Variants in CIC observed in about 807,000 individuals in gnomAD.
CIC encodes capicua transcriptional repressor, also known as protein capicua homolog.
A neutral mutation model predicts 115.7 loss-of-function variants in CIC; 18 were observed. The ratio of observed to expected loss-of-function variants is 0.16; its 90% CI spans 0.11 to 0.23. The LOEUF (loss-of-function observed/expected upper bound fraction) is 0.23, where lower values mean the gene tolerates loss of function less well. Ranked by LOEUF, CIC falls within the 10% of genes least tolerant of loss-of-function variation. The pLI is 1.00. For missense variants in CIC, 2,000 were observed against 2,159.3 expected (o/e 0.93, Z 1.46); for synonymous variants, 1,076 against 923.0 (o/e 1.17, Z -3.01).
chr19:42,282,375 T>A (rs1459493463), intron 2 of CIC, among the ~76,000 whole-genome samples: 1 of 152,194 alleles, frequency 6.6e-6, no homozygotes, highest in Non-Finnish European at 1.5e-5. Context: ...AAGAGCCCAG[T>A]CTTGGTCCAT....
At chr19:42,284,675 G>T (rs1265626147) in intron 2 of CIC, 2 of 1,525,578 alleles carry the variant, frequency 1.3e-6, no homozygotes, top group Non-Finnish European at 1.8e-6. Flanking sequence ...GGAGGTGCGA[G>T]CCCCTGCCGG....
In CIC at chr19:42,292,479, C is replaced by T. The variant is rs1353213468; in HGVS notation, c.5902+13C>T. 6.2e-7 allele frequency: 1 copy of T among 1,611,466 alleles called. No individual in the cohort carries two copies. Among genetic ancestry groups the T allele is most frequent in the Non-Finnish European group, 8.5e-7 (1 of 1,179,184 alleles). ...CCCCTGCTCTCAGGTGAGGGGCGGCCTGGCAGGCAGTGCTGGGGACCCAGG... is the reference window on the plus strand; with the variant it reads ...CCCCTGCTCTCAGGTGAGGGGCGGCTTGGCAGGCAGTGCTGGGGACCCAGG... On this transcript the variant is annotated intron_variant, in intron 14 of 20. Coordinates refer to ENST00000681038, the MANE Select transcript of CIC (RefSeq NM_001386298.1).
chr19:42,289,238 C>G lies in CIC; in HGVS notation c.3919C>G (p.Pro1307Ala). ...AAAGCCTTCTACCCAGTATGGAGCT[C>G]CAGGACCCTTTGCAGCCCCTGGTGA... ...GPKPSTQYGAPGPFAAPGEGG... is the reference protein window; with the variant it reads ...GPKPSTQYGAAGPFAAPGEGG... The change falls in exon 9 of 21, where the codon CCA (proline) becomes GCA (alanine). Residue 1307 changes from proline to alanine, a missense_variant. By Grantham distance (27) the Pro-to-Ala change is conservative. This residue lies in a region of CIC where 1,466 missense variants were observed against 1,390.4 expected (regional missense o/e 1.05). Transcript: ENST00000681038. 1 of 1,613,606 alleles carries G rather than the reference C, an allele frequency of 6.2e-7. No homozygotes were observed. The highest frequency in any genetic ancestry group is 8.5e-7 in the Non-Finnish European group (1 of 1,180,020).
At position 42,286,894 on chromosome 19, in the gene CIC, A is replaced by T; in HGVS notation, c.2918A>T (p.His973Leu). The T allele has an allele frequency of 6.2e-7, 1 of 1,611,912 alleles. No homozygotes were observed. Among genetic ancestry groups the T allele is most frequent in the Non-Finnish European group, 8.5e-7 (1 of 1,179,642 alleles). ...AGCGAGGCCCAGCAACCTGCCAGCC[A>T]CCCAGTGGCCTCCAACCAGAGCAAA... is the stretch of plus-strand genomic sequence containing the variant. ...QPSEAQQPAS[H>L]PVASNQSKEP... is the part of the protein sequence containing the mutation. Residue 973 changes from histidine (H) to leucine (L), a missense_variant, in exon 3 of 21, where the codon CAC becomes CTC. Transcript: ENST00000681038.
Position 42,291,735 on chromosome 19 carries a change from C to A in CIC, c.5603C>A (p.Pro1868His), listed in dbSNP as rs1371623164. 6.2e-7 allele frequency: 1 copy of A among 1,612,918 alleles called. No homozygotes were observed. Among genetic ancestry groups the A allele is most frequent in the Non-Finnish European group, 8.5e-7 (1 of 1,180,012 alleles). ...FSVPVQNGAQ[P>H]PSKIIQLTPV... ...GTACCTGTGCAGAATGGTGCCCAGC[C>A]CCCCAGCAAGGTGAGGGCCTGCCTT... The change falls in exon 12 of 21, where the codon CCC becomes CAC. Residue 1868 changes from proline to histidine, a missense_variant. Around this residue, in one of 8 missense-constraint regions of CIC, gnomAD observed 1,466 missense variants for 1,390.4 expected, o/e 1.05. Coordinates refer to ENST00000681038, the MANE Select transcript of CIC (RefSeq NM_001386298.1).
intron 7 of CIC, among the ~76,000 whole-genome samples, chr19:42,288,287 C>G (rs1200919949): frequency 6.6e-6 from 1 of 152,190 alleles, no homozygotes; most frequent in East Asian, 1.9e-4. Context: ...GAAGAAGAAA[C>G]TGAGGTTCAG....
chr19:42,293,918 C>A lies in CIC; in HGVS notation c.6768-17C>A. 6.2e-7 allele frequency: 1 copy of A among 1,612,670 alleles called. No homozygotes were observed. The highest frequency in any genetic ancestry group is 8.5e-7 in the Non-Finnish European group (1 of 1,179,946). Reference sequence around the variant, plus strand: ...CTGCAGGCTGAGGCGGGGGAGGTGACCCTGCCGGCCCTCCAGCAGGGTCCT... The same window carrying A: ...CTGCAGGCTGAGGCGGGGGAGGTGAACCTGCCGGCCCTCCAGCAGGGTCCT... On this transcript the variant is annotated splice_polypyrimidine_tract_variant and intron_variant, in intron 17 of 20. Transcript: ENST00000681038.
Position 42,271,795 on chromosome 19 carries a change from G to T in CIC, c.12G>T (p.Met4Ile), listed in dbSNP as rs1434431292. The T allele has an allele frequency of 1.5e-5, 6 of 398,676 alleles. No individual in the cohort carries two copies. Among genetic ancestry groups the T allele is most frequent in the Middle Eastern group, 6.2e-4 (1 of 1,612 alleles). 24.7% of individuals were successfully genotyped at this position (398,676 alleles called of 1,614,324 possible). A position where few individuals can be genotyped will look rare whatever the true frequency, so the allele number is the denominator to read the frequency against. MKP[M>I]KKACTGLSGP... ...GCAGGTGGACAAAAATGAAGCCAATGAAGAAGGCATGCACTGGCCTTTCAG... is the reference window on the plus strand; with the variant it reads ...GCAGGTGGACAAAAATGAAGCCAATTAAGAAGGCATGCACTGGCCTTTCAG... Residue 4 changes from methionine (M) to isoleucine (I), a missense_variant, in exon 2 of 21, where the codon ATG becomes ATT. Coordinates refer to ENST00000681038, the MANE Select transcript of CIC (RefSeq NM_001386298.1).
intron 2 of CIC, chr19:42,284,561 G>GGGC (rs2037470666): frequency 7.1e-6 from 2 of 283,594 alleles, no homozygotes; most frequent in Non-Finnish European, 1.3e-5. Context: ...GGCCGGAGGG[G>GGGC]GGCGGCGGGG....
rs1463352812 is a variant in CIC at position 42,290,669 on chromosome 19, C to T, written c.4628C>T (p.Pro1543Leu). 1.2e-6 allele frequency: 2 copies of T among 1,613,288 alleles called. No homozygotes were observed. Among genetic ancestry groups the T allele is most frequent in the Non-Finnish European group, 1.7e-6 (2 of 1,179,902 alleles). Residue 1543 changes from proline to leucine, a missense_variant, in exon 11 of 21, where the codon CCC (proline) becomes CTC (leucine). Physicochemically the swap from Pro to Leu is moderately conservative, Grantham distance 98 (BLOSUM62 -3). Around this residue, in one of 8 missense-constraint regions of CIC, gnomAD observed 1,466 missense variants for 1,390.4 expected, o/e 1.05. Transcript: ENST00000681038. ...GGNILQTLVL[P>L]PNKEEQEGGG... ...AACATCCTGCAGACACTGGTGCTGC[C>T]CCCAAACAAGGAGGAGCAAGAGGGC...
At chr19:42,278,531 C>T (rs1010386561) in intron 2 of CIC, among the ~76,000 whole-genome samples, 8 of 152,220 alleles carry the variant, frequency 5.3e-5, no homozygotes, top group African/African-American at 1.9e-4. Flanking sequence ...CTCTGGACTT[C>T]AGTCCTCGTC....
Position 42,289,425 on chromosome 19 carries a change from A to T in CIC, c.4087+19A>T. 1 of 1,558,334 alleles carries T rather than the reference A, an allele frequency of 6.4e-7. No homozygotes were observed. Among genetic ancestry groups the T allele is most frequent in the Non-Finnish European group, 8.7e-7 (1 of 1,150,604 alleles). On this transcript the variant is annotated intron_variant, in intron 9 of 20. Coordinates refer to ENST00000681038, the MANE Select transcript of CIC (RefSeq NM_001386298.1). ...GTCATTGGTGAGCATTGCAGGGCCC[A>T]GAATCTTGCCCAGGACCCAGCAGGC...
intron 2 of CIC, among the ~76,000 whole-genome samples, chr19:42,277,290 C>T (rs1185678986): frequency 3.3e-5 from 5 of 152,172 alleles, no homozygotes; most frequent in African/African-American, 1.2e-4. Flanking sequence ...AGTGCAGTAG[C>T]GCAATCTTGG....
chr19:42,270,528 G>T lies in CIC; in HGVS notation c.-11+1147G>T, dbSNP rs2036742064. Among the ~76,000 whole-genome samples the T allele has an allele frequency of 6.6e-6, 1 of 152,220 alleles. No individual in the cohort carries two copies. The highest frequency in any genetic ancestry group is 1.5e-5 in the Non-Finnish European group (1 of 68,030). ...AGGGCAGCTCGAAAGGGGGCGGGCAGTAATGACTGTTCAGGAAGTGGGTGA... is the reference window on the plus strand; with the variant it reads ...AGGGCAGCTCGAAAGGGGGCGGGCATTAATGACTGTTCAGGAAGTGGGTGA... On this transcript the variant is annotated intron_variant, in intron 1 of 20. Transcript: ENST00000681038. This position sits in a 1 kb window ranked among gnomAD's most constrained non-coding sequence, Gnocchi z 4.1.
In CIC at chr19:42,273,474, C is replaced by T. The variant is rs1344969760; in HGVS notation, c.1691C>T (p.Thr564Met). 2.3e-5 allele frequency: 9 copies of T among 398,396 alleles called. No individual in the cohort carries two copies. Among genetic ancestry groups the T allele is most frequent in the East Asian group, 3.6e-5 (1 of 28,066 alleles). The allele number at this position is 398,396 out of a possible 1,614,324, so 24.7% of individuals were successfully genotyped here. Residue 564 changes from threonine to methionine, a missense_variant, in exon 2 of 21, where the codon ACG (threonine) becomes ATG (methionine). Transcript: ENST00000681038. The stretch of plus-strand genomic sequence containing the variant: ...ACGGAGTTTGACTGGGGTGATGAGA[C>T]GTCGAGGGACAGTGAGGCCAGCAGT... ...GSTEFDWGDETSRDSEASSVA... is the reference protein window; with the variant it reads ...GSTEFDWGDEMSRDSEASSVA...
chr19:42,281,267 T>C (rs940263782), intron 2 of CIC, among the ~76,000 whole-genome samples: 38 of 152,264 alleles, frequency 2.5e-4, no homozygotes, highest in African/African-American at 8.9e-4. Flanking sequence ...GTGCGGTGCC[T>C]CGCGGGCTCA....
In CIC at chr19:42,295,143, G is replaced by GGGCGCC; in HGVS notation, c.7506_7507insGGCGCC (p.Gln2502_Pro2503insGlyAla). ...AGCCTGGCTGGGAGGGGGCTCCCCA[G>GGGCGCC]CCCTCCCCCCCACCCCCAGGTCCCT... On this transcript the variant is annotated inframe_insertion, in exon 21 of 21. Transcript: ENST00000681038. 2 of 1,382,734 alleles carry GGGCGCC rather than the reference G, an allele frequency of 1.4e-6. No individual in the cohort carries two copies. Among genetic ancestry groups the GGGCGCC allele is most frequent in the Non-Finnish European group, 1.9e-6 (2 of 1,037,822 alleles). The allele number at this position is 1,382,734 out of a possible 1,614,324, so 85.7% of individuals were successfully genotyped here.
rs1245789284 is a variant in CIC at position 42,286,892 on chromosome 19, C to T, written c.2916C>T (p.Ser972=). 6.2e-7 allele frequency: 1 copy of T among 1,612,132 alleles called. No homozygotes were observed. The highest frequency in any genetic ancestry group is 8.5e-7 in the Non-Finnish European group (1 of 1,179,668). Residue 972 remains serine, a synonymous_variant, in exon 3 of 21, where the codon AGC becomes AGT. Transcript: ENST00000681038. ...CGAGCGAGGCCCAGCAACCTGCCAG[C>T]CACCCAGTGGCCTCCAACCAGAGCA... ...VQPSEAQQPA[S]HPVASNQSKE...
Position 42,294,349 on chromosome 19 carries a change from G to A in CIC, c.7054+45G>A, listed in dbSNP as rs561122280. ...TTTGGGGGCCTGGGGACCTGCAAGA[G>A]GAGTGGGTCTCTGGAAGGCGGTTAG... On this transcript the variant is annotated intron_variant, in intron 19 of 20. Coordinates refer to ENST00000681038, the MANE Select transcript of CIC (RefSeq NM_001386298.1). 1.4e-5 allele frequency: 22 copies of A among 1,608,726 alleles called. No homozygotes were observed. In the South Asian group the frequency reaches 2.4e-4, roughly 18 times the overall value.
Sources: allele counts gnomAD v4.1 joint callset (sites outside exome capture counted in the v4.1 genomes callset), GRCh38; gene constraint gnomAD v4.1.1; regional missense constraint gnomAD v4.1.1; non-coding constraint Gnocchi (gnomAD v3.1); transcripts MANE v1.5; gene names NCBI Gene and HGNC (gene_info 2026-07-23, HGNC 2026-07-21).